The following PCDHGB2 variants were observed in gnomAD, a reference collection of about 807,000 sequenced individuals.
PCDHGB2 encodes the protein protocadherin gamma subfamily B, 2, also known as protocadherin gamma-B2.
Under a neutral mutation model 59.3 loss-of-function variants are expected in PCDHGB2, and 55 were observed. The observed-to-expected ratio is 0.93, with a 90% CI of 0.75 to 1.16. PCDHGB2 has a LOEUF of 1.16. Ranked by LOEUF, PCDHGB2 falls within the 50% of genes most tolerant of loss-of-function variation. PCDHGB2 has a pLI of 0.00. For synonymous variants in PCDHGB2, 516 were observed against 512.0 expected (o/e 1.01, Z -0.11); for missense variants, 1,228 against 1,198.5 (o/e 1.02, Z -0.36).
chr5:141,476,070 C>T lies in PCDHGB2; in HGVS notation c.2422-18737C>T. ...CCCGCTGAAAGTTTCTCAGCGAAAT[C>T]TCAGGGACGATCTGGACCCCGCTGA... is the stretch of plus-strand genomic sequence containing the variant. On this transcript the variant is annotated intron_variant, in intron 1 of 3. Transcript: ENST00000522605. This position sits in a 1 kb window ranked among gnomAD's most constrained non-coding sequence, Gnocchi z 7.6. 6.6e-7 allele frequency: 1 copy of T among 1,522,382 alleles called. No individual in the cohort carries two copies. The highest frequency in any genetic ancestry group is 1.3e-5 in the South Asian group (1 of 77,762). 94.3% of individuals were successfully genotyped at this position (1,522,382 alleles called of 1,614,324 possible). A position where few individuals can be genotyped will look rare whatever the true frequency, so the allele number is the denominator to read the frequency against.
chr5:141,491,666 G>T lies in PCDHGB2; in HGVS notation c.2422-3141G>T, dbSNP rs373526771. Reference sequence around the variant, plus strand: ...CTGGCGCTGGAGCCTGACGCCATCCGGTCCCGCTCTAATACGCTGCGGGAG... The same window carrying T: ...CTGGCGCTGGAGCCTGACGCCATCCTGTCCCGCTCTAATACGCTGCGGGAG... On this transcript the variant is annotated intron_variant, in intron 1 of 3. Transcript: ENST00000522605. This position sits in a 1 kb window ranked among gnomAD's most constrained non-coding sequence, Gnocchi z 6.9. 1.2e-6 allele frequency: 2 copies of T among 1,613,732 alleles called. No homozygotes were observed. Among genetic ancestry groups the T allele is most frequent in the Non-Finnish European group, 1.7e-6 (2 of 1,180,008 alleles).
intron 1 of PCDHGB2, among the ~76,000 whole-genome samples, chr5:141,443,789 A>G (rs1316614117): frequency 6.6e-6 from 1 of 152,234 alleles, no homozygotes; most frequent in East Asian, 1.9e-4. Context: ...GACAAAAAAA[A>G]TGAAAAGGAA....
In PCDHGB2 at chr5:141,376,236, G is replaced by T. The variant is rs202155785; in HGVS notation, c.2421+13680G>T. ...GTGCTGCTGGCGCTCAGACTGCAGCGCTGGCACAAGTCACGCCTGCTGCAG... is the reference window on the plus strand; with the variant it reads ...GTGCTGCTGGCGCTCAGACTGCAGCTCTGGCACAAGTCACGCCTGCTGCAG... On this transcript the variant is annotated intron_variant, in intron 1 of 3. Coordinates refer to ENST00000522605, the MANE Select transcript of PCDHGB2 (RefSeq NM_018923.3). The T allele has an allele frequency of 2.8e-3, 4,477 of 1,614,208 alleles. 145 individuals carry two copies. In the South Asian group the frequency reaches 0.046, roughly 17 times the overall value.
At chr5:141,447,937 T>A (rs1036604034) in intron 1 of PCDHGB2, among the ~76,000 whole-genome samples, 1 of 151,852 alleles carries the variant, frequency 6.6e-6, no homozygotes, top group Non-Finnish European at 1.5e-5. Context: ...AATACAAAAA[T>A]TAGCTGGGCA....
intron 1 of PCDHGB2, chr5:141,410,849 CTTTTTTTTTTTTTT>C (rs759346998): frequency 7.7e-6 from 1 of 129,786 alleles, no homozygotes; most frequent in African/African-American, 6.0e-5. Context: ...TTGTCTTTGT[CTTTTTTTTTTTTTT>C]TTTTTTTTGA....
chr5:141,361,905 G>C lies in PCDHGB2; in HGVS notation c.1770G>C (p.Lys590Asn), dbSNP rs753577656. 1 of 1,608,996 alleles carries C rather than the reference G, an allele frequency of 6.2e-7. No individual in the cohort carries two copies. ...RAAEPGYLVT[K>N]VVAVDADSGH... ...CAGAGCCCGGCTACCTGGTGACCAA[G>C]GTGGTGGCGGTGGACGCAGACTCAG... The change falls in exon 1 of 4, where the codon AAG becomes AAC. Residue 590 changes from lysine (K) to asparagine (N), a missense_variant. This residue lies in a region of PCDHGB2 where 14 missense variants were observed against 35.2 expected (regional missense o/e 0.40). Transcript: ENST00000522605.
At chr5:141,421,173 C>A in intron 1 of PCDHGB2, 2 of 1,377,172 alleles carry the variant, frequency 1.5e-6, no homozygotes, top group Non-Finnish European at 9.7e-7. Context: ...GATACATAAG[C>A]CGATTCACAA....
chr5:141,489,042 A>T lies in PCDHGB2; in HGVS notation c.2422-5765A>T. On this transcript the variant is annotated intron_variant, in intron 1 of 3. Coordinates refer to ENST00000522605, the MANE Select transcript of PCDHGB2 (RefSeq NM_018923.3). This position sits in a 1 kb window ranked among gnomAD's most constrained non-coding sequence, Gnocchi z 4.5. ...TCTCCTCCTCCAGCTCCCCAGCTCCACTCAAATTCAGCTCCCCTCCCCCCT... is the reference window on the plus strand; with the variant it reads ...TCTCCTCCTCCAGCTCCCCAGCTCCTCTCAAATTCAGCTCCCCTCCCCCCT... The T allele has an allele frequency of 4.2e-6, 2 of 473,800 alleles. No individual in the cohort carries two copies. The highest frequency in any genetic ancestry group is 3.7e-6 in the Non-Finnish European group (1 of 270,920). 29.3% of individuals were successfully genotyped at this position (473,800 alleles called of 1,614,324 possible).
chr5:141,420,044 T>C lies in PCDHGB2; in HGVS notation c.2421+57488T>C, dbSNP rs769790599. 1.7e-5 allele frequency: 27 copies of C among 1,613,934 alleles called. No individual in the cohort carries two copies. In the East Asian group the frequency reaches 6.0e-4, roughly 36 times the overall value. On this transcript the variant is annotated intron_variant, in intron 1 of 3. Coordinates refer to ENST00000522605, the MANE Select transcript of PCDHGB2 (RefSeq NM_018923.3). ...CCCTACTGCAGGAGACTGCTTTGAG[T>C]CAGTTCTCTGCTCCAAGTCCGGACC...
chr5:141,389,524 G>T, intron 1 of PCDHGB2: 1 of 1,613,146 alleles, frequency 6.2e-7, no homozygotes, highest in Non-Finnish European at 8.5e-7. Context: ...GTGAGCCTGC[G>T]CGTGTTAGTG....
At position 141,493,444 on chromosome 5, in the gene PCDHGB2, G is replaced by T. The variant is rs2099748313; in HGVS notation, c.2422-1363G>T. On this transcript the variant is annotated intron_variant, in intron 1 of 3. Transcript: ENST00000522605. This position sits in a 1 kb window ranked among gnomAD's most constrained non-coding sequence, Gnocchi z 4.3. ...GCTTCTGCTGGGATGGGGCAAGGGT[G>T]GGGTTCCTTCCCTTTTAGGACCTTA... Among the ~76,000 whole-genome samples, 1 of 152,174 alleles carries T rather than the reference G, an allele frequency of 6.6e-6. No homozygotes were observed. Among genetic ancestry groups the T allele is most frequent in the South Asian group, 2.1e-4 (1 of 4,826 alleles).
Position 141,491,874 on chromosome 5 carries a change from T to G in PCDHGB2, c.2422-2933T>G, listed in dbSNP as rs1160702024. On this transcript the variant is annotated intron_variant, in intron 1 of 3. Coordinates refer to ENST00000522605, the MANE Select transcript of PCDHGB2 (RefSeq NM_018923.3). The surrounding 1 kb of genome is among the most constrained non-coding windows in gnomAD (Gnocchi z 6.9). ...GTTTGCGCGAAACCAGAGTGGCCGA[T>G]TAAGGGATGGGGCTCCGAGCACCGG... 15 of 1,451,168 alleles carry G rather than the reference T, an allele frequency of 1.0e-5. No homozygotes were observed. The highest frequency in any genetic ancestry group is 1.4e-5 in the Non-Finnish European group (15 of 1,098,162). 89.9% of individuals were successfully genotyped at this position (1,451,168 alleles called of 1,614,324 possible). A position where few individuals can be genotyped will look rare whatever the true frequency, so the allele number is the denominator to read the frequency against.
intron 1 of PCDHGB2, among the ~76,000 whole-genome samples, chr5:141,397,274 G>A (rs565956732): frequency 6.6e-6 from 1 of 152,188 alleles, no homozygotes; most frequent in East Asian, 1.9e-4. Flanking sequence ...TACATCATAT[G>A]GGCAGTATAC....
chr5:141,372,349 A>G lies in PCDHGB2; in HGVS notation c.2421+9793A>G, dbSNP rs373267938. ...GTCACTGTGCGTGATGGAGGACAGCAGCCTCTTTCAGCCACCGTCATGCTG... is the reference window on the plus strand; with the variant it reads ...GTCACTGTGCGTGATGGAGGACAGCGGCCTCTTTCAGCCACCGTCATGCTG... On this transcript the variant is annotated intron_variant, in intron 1 of 3. Transcript: ENST00000522605. 1.1e-5 allele frequency: 18 copies of G among 1,613,786 alleles called. No individual in the cohort carries two copies. The African/African-American group carries it at 2.4e-4, about 22-fold the overall frequency.
At chr5:141,377,889 C>A (rs914946378) in intron 1 of PCDHGB2, 2 of 152,056 alleles carry the variant, frequency 1.3e-5, no homozygotes, top group Non-Finnish European at 2.9e-5. Flanking sequence ...AGATAGGATC[C>A]CCCTCTGTTG....
rs1272166319 is a variant in PCDHGB2, at chr5:141,370,826, A to C, written c.2421+8270A>C. Reference sequence around the variant, plus strand: ...ATATCACTGAGCTGGAAATCAGCGAACTGGCTCTCACTGGAGCCACATTTG... The same window carrying C: ...ATATCACTGAGCTGGAAATCAGCGACCTGGCTCTCACTGGAGCCACATTTG... On this transcript the variant is annotated intron_variant, in intron 1 of 3. Coordinates refer to ENST00000522605, the MANE Select transcript of PCDHGB2 (RefSeq NM_018923.3). The C allele has an allele frequency of 1.1e-5, 18 of 1,613,884 alleles. No homozygotes were observed. The Admixed American group carries it at 3.0e-4, about 27-fold the overall frequency.
chr5:141,362,574 T>C lies in PCDHGB2; in HGVS notation c.2421+18T>C. ...TTTTGAAGGTGAGCTTTAATTAATT[T>C]ATTTTCACTTCTGGTTTTATTGTTT... On this transcript the variant is annotated intron_variant, in intron 1 of 3. Transcript: ENST00000522605. 1.9e-6 allele frequency: 3 copies of C among 1,605,712 alleles called. No individual in the cohort carries two copies. The highest frequency in any genetic ancestry group is 2.6e-6 in the Non-Finnish European group (3 of 1,175,896).
chr5:141,417,185 A>C (rs2096092787), intron 1 of PCDHGB2: 1 of 152,216 alleles, frequency 6.6e-6, no homozygotes, highest in Admixed American at 6.5e-5. Context: ...AGGAATTATT[A>C]CTTTCTGGGT....
chr5:141,427,428 T>C (rs1489623330), intron 1 of PCDHGB2: 3 of 470,472 alleles, frequency 6.4e-6, no homozygotes, highest in Admixed American at 4.7e-5. Context: ...GGAGGTTACA[T>C]GCCTCATAAA....
Sources: allele counts gnomAD v4.1 joint callset (sites outside exome capture counted in the v4.1 genomes callset), GRCh38; gene constraint gnomAD v4.1.1; regional missense constraint gnomAD v4.1.1; non-coding constraint Gnocchi (gnomAD v3.1); transcripts MANE v1.5; gene names NCBI Gene and HGNC (gene_info 2026-07-23, HGNC 2026-07-21).